The following KIAA2012 variants were observed in gnomAD, a reference collection of about 807,000 sequenced individuals.
The protein encoded by KIAA2012 is uncharacterized protein KIAA2012.
KIAA2012 carries 125 observed loss-of-function variants against 150.6 expected under a neutral mutation model. That is an observed-to-expected ratio of 0.83 (90% CI 0.72 to 0.96). KIAA2012 has a LOEUF of 0.96. Ranked by LOEUF, KIAA2012 falls within the 40% of genes least tolerant of loss-of-function variation. The probability of loss-of-function intolerance (pLI) is 0.00; values close to 1 mark genes in which losing one functional copy is unlikely to be tolerated. For synonymous variants in KIAA2012, 462 were observed against 504.7 expected (o/e 0.92, Z 1.13); for missense variants, 1,219 against 1,354.9 (o/e 0.90, Z 1.57).
chr2:202,194,432 G>A (rs1316491354), intron 21 of KIAA2012, 70 bp downstream of exon 21: 2 of 1,504,896 alleles, frequency 1.3e-6, no homozygotes, highest in Admixed American at 4.2e-5. Context: ...CCAGCTGTGA[G>A]TGTTCATTTA....
At position 202,154,678 on chromosome 2, in the gene KIAA2012, C is replaced by T; in HGVS notation, c.1914C>T (p.Ala638=). The T allele has an allele frequency of 1.3e-6, 2 of 1,542,686 alleles. No homozygotes were observed. The highest frequency in any genetic ancestry group is 2.4e-5 in the South Asian group (2 of 82,528). The part of the protein sequence containing the change: ...PLTQTTEKQG[A]QQSLEAAAQK... The stretch of plus-strand genomic sequence containing the variant: ...CTTTCTGCTTCTCTTCACAGGGAGC[C>T]CAGCAGTCCTTGGAGGCAGCAGCTC... Residue 638 remains alanine (A), a synonymous_variant, in exon 14 of 24, where the codon GCC becomes GCT. Transcript: ENST00000498697.
chr2:202,201,743 T>G (rs970399795), intron 22 of KIAA2012: 3 of 1,421,800 alleles, frequency 2.1e-6, no homozygotes, highest in Non-Finnish European at 3.0e-6. Context: ...GCACAAAGCT[T>G]GGATGATAGA....
At chr2:202,144,855 A>G (rs185005401) in intron 13 of KIAA2012, among the ~76,000 whole-genome samples, 1 of 152,378 alleles carries the variant, frequency 6.6e-6, no homozygotes, top group Admixed American at 6.5e-5. Flanking sequence ...TGTTCTGAAT[A>G]GAAAAACCCT....
chr2:202,149,172 T>C (rs1285875742), intron 13 of KIAA2012, among the ~76,000 whole-genome samples: 2 of 152,078 alleles, frequency 1.3e-5, no homozygotes, highest in Non-Finnish European at 2.9e-5. Context: ...ACTAAATCTC[T>C]CAGATCTCTG....
chr2:202,120,957 A>G (rs1690640231), intron 11 of KIAA2012, among the ~76,000 whole-genome samples: 1 of 152,188 alleles, frequency 6.6e-6, no homozygotes, highest in Non-Finnish European at 1.5e-5. Context: ...GCCTACCCAG[A>G]GATTATGCTT....
chr2:202,138,343 G>GGT lies in KIAA2012; in HGVS notation c.1832-76_1832-75dup, dbSNP rs3043926. On this transcript the variant is annotated intron_variant, in intron 12 of 23. Transcript: ENST00000498697. ...TATAATCTTACATACATATGAACTA[G>GGT]GTGTGTGTGTGTGTATGGTATATAT... The GGT allele has an allele frequency of 4.2e-3, 3,082 of 731,676 alleles. 1 individual carries two copies. Among genetic ancestry groups the GGT allele is most frequent in the Admixed American group, 5.0e-3 (222 of 44,216 alleles). 45.3% of individuals were successfully genotyped at this position (731,676 alleles called of 1,614,324 possible). A position where few individuals can be genotyped will look rare whatever the true frequency, so the allele number is the denominator to read the frequency against.
chr2:202,103,429 C>T (rs1690103900), intron 8 of KIAA2012, among the ~76,000 whole-genome samples: 2 of 151,270 alleles, frequency 1.3e-5, no homozygotes, highest in South Asian at 4.2e-4. Context: ...ATTTTTCAGG[C>T]AGCTTACAAA....
intron 2 of KIAA2012, chr2:202,077,014 C>T (rs780903087): frequency 2.2e-6 from 1 of 457,250 alleles, no homozygotes; most frequent in South Asian, 1.5e-5. Context: ...CCTTCCCACT[C>T]TGCCTCAAGT....
intron 22 of KIAA2012, among the ~76,000 whole-genome samples, chr2:202,200,079 T>C (rs1363326608): frequency 6.6e-6 from 1 of 151,676 alleles, no homozygotes; most frequent in Non-Finnish European, 1.5e-5. Context: ...TACAGGCGCA[T>C]GCCACCACGC....
chr2:202,197,110 C>G lies in KIAA2012; in HGVS notation c.3407+91C>G, dbSNP rs1692430698. ...GTGCTAGCTTTGCACTGCCTTTAGACAAGAAAAGTCCCCCCACCCCCAGCA... is the reference window on the plus strand; with the variant it reads ...GTGCTAGCTTTGCACTGCCTTTAGAGAAGAAAAGTCCCCCCACCCCCAGCA... On this transcript the variant is annotated intron_variant, in intron 22 of 23. Transcript: ENST00000498697. 3 of 1,525,334 alleles carry G rather than the reference C, an allele frequency of 2.0e-6. No homozygotes were observed. The South Asian group carries it at 3.7e-5, about 19-fold the overall frequency. The allele number at this position is 1,525,334 out of a possible 1,614,324, so 94.5% of individuals were successfully genotyped here. A position where few individuals can be genotyped will look rare whatever the true frequency, so the allele number is the denominator to read the frequency against.
At chr2:202,167,713 G>A (rs2105725300) in intron 15 of KIAA2012, among the ~76,000 whole-genome samples, 1 of 151,874 alleles carries the variant, frequency 6.6e-6, no homozygotes, top group South Asian at 2.1e-4. Flanking sequence ...GCATGGTAGT[G>A]AGGACCTGCA....
chr2:202,110,904 G>C (rs910048114), intron 10 of KIAA2012, among the ~76,000 whole-genome samples: 4 of 151,912 alleles, frequency 2.6e-5, no homozygotes, highest in African/African-American at 9.7e-5. Context: ...TTCTGTTTCA[G>C]GCTGAGATGG....
At chr2:202,186,627 A>G (rs1444633204) in intron 16 of KIAA2012, among the ~76,000 whole-genome samples, 1 of 152,250 alleles carries the variant, frequency 6.6e-6, no homozygotes, top group Non-Finnish European at 1.5e-5. Flanking sequence ...CCTTTGATAG[A>G]AGAAATTTCA....
At position 202,109,782 on chromosome 2, in the gene KIAA2012, A is replaced by T; in HGVS notation, c.1644A>T (p.Ala548=). ...NMRVPRRALP[A]AQEDSSDPTL... is the part of the protein sequence containing the mutation. ...GAGTGCCCAGGAGGGCACTGCCAGC[A>T]GCTCAAGGTAATCATTCCCAGAGTG... Residue 548 remains alanine, a synonymous_variant, in exon 10 of 24, where the codon GCA becomes GCT. Coordinates refer to ENST00000498697, the MANE Select transcript of KIAA2012 (RefSeq NM_001277372.4). 1 of 1,547,002 alleles carries T rather than the reference A, an allele frequency of 6.5e-7. No individual in the cohort carries two copies. The highest frequency in any genetic ancestry group is 8.7e-7 in the Non-Finnish European group (1 of 1,145,848).
At chr2:202,182,103 T>C (rs981769707) in intron 15 of KIAA2012, among the ~76,000 whole-genome samples, 23 of 150,700 alleles carry the variant, frequency 1.5e-4, no homozygotes, top group Non-Finnish European at 2.5e-4. Flanking sequence ...TTTTTTTTCT[T>C]TATTCTTTTT....
intron 15 of KIAA2012, among the ~76,000 whole-genome samples, chr2:202,176,563 C>T (rs1691995907): frequency 6.6e-6 from 1 of 152,182 alleles, no homozygotes; most frequent in Non-Finnish European, 1.5e-5. Flanking sequence ...AGCCAAATTG[C>T]AGATTAGAAG....
chr2:202,152,207 C>A (rs1160200377), intron 13 of KIAA2012, among the ~76,000 whole-genome samples: 1 of 152,082 alleles, frequency 6.6e-6, no homozygotes, highest in Non-Finnish European at 1.5e-5. Context: ...AACACTTGAA[C>A]GTAATGAGCA....
intron 13 of KIAA2012, among the ~76,000 whole-genome samples, chr2:202,150,455 G>GT (rs1313993081): frequency 1.5e-5 from 2 of 134,786 alleles, no homozygotes; most frequent in Admixed American, 1.6e-4. Context: ...TTTGTTTTTT[G>GT]TGTTTTTTTT....
At chr2:202,125,821 C>A (rs1370063381) in intron 12 of KIAA2012, 1 of 451,206 alleles carries the variant, frequency 2.2e-6, no homozygotes, top group Non-Finnish European at 4.4e-6. Context: ...TCATCCTCCA[C>A]CCACAGACAT....
Sources: gnomAD v4.1 joint callset for allele counts (sites outside exome capture counted in the v4.1 genomes callset) on GRCh38, gnomAD v4.1.1 for gene constraint, MANE v1.5 for transcripts, NCBI Gene and HGNC (gene_info 2026-07-23, HGNC 2026-07-21) for gene names.